Variants in KCNH7 observed in about 807,000 individuals in gnomAD.
KCNH7 encodes the protein potassium voltage-gated channel subfamily H member 7, also known as voltage-gated inwardly rectifying potassium channel KCNH7.
Under a neutral mutation model 120.8 loss-of-function variants are expected in KCNH7, and 49 were observed. The observed-to-expected ratio is 0.41, with a 90% confidence interval of 0.32 to 0.51. The LOEUF (loss-of-function observed/expected upper bound fraction) is 0.51. KCNH7 is among the 20% of genes least tolerant of loss of function. KCNH7 has a pLI of 0.38. For synonymous variants in KCNH7, 547 were observed against 516.1 expected, an observed-to-expected ratio of 1.06 and a Z score of -0.81; for missense variants, 1,097 against 1,446.6, an observed-to-expected ratio of 0.76 and a Z score of 3.92.
At chr2:162,708,827 A>G (rs1383285216) in intron 2 of KCNH7, among the ~76,000 whole-genome samples, 1 of 152,100 alleles carries the variant, frequency 6.6e-6, no homozygotes, top group African/African-American at 2.4e-5. Context: ...GAGACGGGGA[A>G]AATCAGAGTT....
At chr2:162,501,772 C>T (rs1454559531) in intron 6 of KCNH7, among the ~76,000 whole-genome samples, 1 of 152,024 alleles carries the variant, frequency 6.6e-6, no homozygotes, top group Non-Finnish European at 1.5e-5. Context: ...ACACTCATGA[C>T]CTATTCTGAA....
intron 2 of KCNH7, among the ~76,000 whole-genome samples, chr2:162,805,897 A>G (rs952018204): frequency 4.6e-5 from 7 of 152,194 alleles, no homozygotes; most frequent in Non-Finnish European, 8.8e-5. Flanking sequence ...AATACTACTC[A>G]GACATAAAAA....
chr2:162,538,828 C>T (rs1692202168), intron 2 of KCNH7, among the ~76,000 whole-genome samples: 1 of 152,018 alleles, frequency 6.6e-6, no homozygotes, highest in Admixed American at 6.6e-5. Flanking sequence ...AATTGATCGA[C>T]AGATATACTT....
chr2:162,807,536 C>CT (rs1573912611), intron 2 of KCNH7, among the ~76,000 whole-genome samples: 1 of 152,006 alleles, frequency 6.6e-6, no homozygotes, highest in South Asian at 2.1e-4. Context: ...AAGTTTGTGG[C>CT]TTTTTTGTAT....
At chr2:162,671,950 T>C (rs554276236) in intron 2 of KCNH7, among the ~76,000 whole-genome samples, 1 of 152,122 alleles carries the variant, frequency 6.6e-6, no homozygotes, top group Non-Finnish European at 1.5e-5. Context: ...CATATAGTAA[T>C]GAGATAGCAC....
At chr2:162,690,366 C>T (rs1686057939) in intron 2 of KCNH7, among the ~76,000 whole-genome samples, 1 of 151,152 alleles carries the variant, frequency 6.6e-6, no homozygotes, top group South Asian at 2.1e-4. Flanking sequence ...GCACTTGTAC[C>T]CATGAACTTA....
chr2:162,503,535 T>C (rs1050934589), intron 6 of KCNH7, among the ~76,000 whole-genome samples: 1 of 152,044 alleles, frequency 6.6e-6, no homozygotes, highest in African/African-American at 2.4e-5. Flanking sequence ...TCATGGTCTT[T>C]TCATAGCTAT....
intron 2 of KCNH7, among the ~76,000 whole-genome samples, chr2:162,606,144 G>A (rs2105961997): frequency 6.6e-6 from 1 of 152,146 alleles, no homozygotes; most frequent in Admixed American, 6.5e-5. Flanking sequence ...ATTCCTTTGT[G>A]TATAAATAAA....
At chr2:162,731,137 C>T (rs949538982) in intron 2 of KCNH7, among the ~76,000 whole-genome samples, 1 of 149,898 alleles carries the variant, frequency 6.7e-6, no homozygotes, top group African/African-American at 2.5e-5. Context: ...TCATAAGTAA[C>T]ATGGAAAAAA....
At chr2:162,430,867 A>AATTTTTATT (rs1688042331) in intron 8 of KCNH7, among the ~76,000 whole-genome samples, 4 of 151,800 alleles carry the variant, frequency 2.6e-5, no homozygotes, top group African/African-American at 9.7e-5. Flanking sequence ...AAAATTAAAT[A>AATTTTTATT]TATACATGTT....
At chr2:162,468,512 CTTTTTTTTTTTTTTT>C (rs1166606647) in intron 6 of KCNH7, among the ~76,000 whole-genome samples, 6 of 78,918 alleles carry the variant, frequency 7.6e-5, no homozygotes, top group Non-Finnish European at 1.4e-4. Flanking sequence ...TATTCTTTTC[CTTTTTTTTTTTTTTT>C]TTTTTTTTTT....
chr2:162,614,084 G>A (rs1459895869), intron 2 of KCNH7, among the ~76,000 whole-genome samples: 1 of 151,954 alleles, frequency 6.6e-6, no homozygotes, highest in South Asian at 2.1e-4. Context: ...ATAACTTAAA[G>A]ATTAACTTGT....
At chr2:162,585,649 T>C (rs1008226792) in intron 2 of KCNH7, among the ~76,000 whole-genome samples, 4 of 151,894 alleles carry the variant, frequency 2.6e-5, no homozygotes, top group Non-Finnish European at 4.4e-5. Context: ...CTAGTATAAA[T>C]AGACACAACA....
intron 14 of KCNH7, among the ~76,000 whole-genome samples, chr2:162,377,656 T>C (rs1686255337): frequency 6.6e-6 from 1 of 152,104 alleles, no homozygotes; most frequent in African/African-American, 2.4e-5. Flanking sequence ...ATAGAGTCTT[T>C]GTGATAGTTT....
chr2:162,427,645 T>G (rs900648511), intron 8 of KCNH7, among the ~76,000 whole-genome samples: 3 of 151,966 alleles, frequency 2.0e-5, no homozygotes, highest in Admixed American at 6.6e-5. Flanking sequence ...AGTCTACCAT[T>G]TGTCCATTCC....
chr2:162,806,840 A>AT (rs890707187), intron 2 of KCNH7, among the ~76,000 whole-genome samples: 23 of 151,628 alleles, frequency 1.5e-4, no homozygotes, highest in Non-Finnish European at 2.5e-4. Flanking sequence ...GTCAAATGGA[A>AT]TTTTTTTTTA....
intron 3 of KCNH7, among the ~76,000 whole-genome samples, chr2:162,531,471 T>C (rs1435766690): frequency 1.3e-5 from 2 of 151,982 alleles, no homozygotes; most frequent in East Asian, 3.9e-4. Context: ...GTATCCACCA[T>C]CCAAACAAAT....
chr2:162,398,646 C>G (rs899371023), intron 10 of KCNH7, among the ~76,000 whole-genome samples: 1 of 151,858 alleles, frequency 6.6e-6, no homozygotes, highest in Non-Finnish European at 1.5e-5. Flanking sequence ...AGGAGCAAGC[C>G]AGTCCATGGA....
chr2:162,620,010 A>G (rs551199989), intron 2 of KCNH7, among the ~76,000 whole-genome samples: 1 of 151,866 alleles, frequency 6.6e-6, no homozygotes, highest in East Asian at 1.9e-4. Flanking sequence ...GGAATAAGAG[A>G]CCTGTGCTGT....
Sources: gnomAD v4.1 joint callset for allele counts (sites outside exome capture counted in the v4.1 genomes callset) on GRCh38, gnomAD v4.1.1 for gene constraint, MANE v1.5 for transcripts, NCBI Gene and HGNC (gene_info 2026-07-23, HGNC 2026-07-21) for gene names.